Variants in GAB3 observed in about 807,000 individuals in gnomAD.
GAB3 encodes the protein GRB2-associated-binding protein 3.
In GAB3, 12 loss-of-function variants were observed where a neutral mutation model predicts 40.4. The observed-to-expected ratio is 0.30, with a 90% confidence interval of 0.19 to 0.48. The LOEUF is 0.48. Ranked by LOEUF, GAB3 falls within the 20% of genes least tolerant of loss-of-function variation. The pLI, the probability that GAB3 is intolerant of heterozygous loss-of-function variation, is 0.99. For missense variants in GAB3, 381 were observed against 461.9 expected, an observed-to-expected ratio of 0.82 and a Z score of 1.61; for synonymous variants, 154 against 176.7, an observed-to-expected ratio of 0.87 and a Z score of 1.02.
At chrX:154,723,165 C>A (rs1433937015) in intron 1 of GAB3, among the ~76,000 whole-genome samples, 2 of 112,141 alleles carry the variant, frequency 1.8e-5, no homozygotes, top group African/African-American at 6.5e-5. Flanking sequence ...CAGGCGTGAA[C>A]CACCGTGCCC....
chrX:154,734,378 T>C (rs1557260300), intron 1 of GAB3, among the ~76,000 whole-genome samples: 2 of 112,811 alleles, frequency 1.8e-5, no homozygotes, highest in Admixed American at 9.3e-5. Context: ...GAAGGCAAAA[T>C]AGGCTGAATT....
intron 1 of GAB3, among the ~76,000 whole-genome samples, chrX:154,732,221 G>A (rs994023907): frequency 7.2e-5 from 8 of 111,729 alleles, no homozygotes; most frequent in Non-Finnish European, 1.3e-4. Flanking sequence ...GTCTAGGAGA[G>A]GAGAAAAATA....
In GAB3 at chrX:154,709,230, TAGCCATGCTTCCTGTAC is replaced by T. The variant is rs1377101904; in HGVS notation, c.1069+2982_1069+2998del. On this transcript the variant is annotated intron_variant, in intron 4 of 9. Transcript: ENST00000424127. ...GATTGTAAGTTTCCTGAGGCCTCCCTAGCCATGCTTCCTGTACAGCCTGTGGAACTGTGAGTGAGTCA... is the reference window on the plus strand; with the variant it reads ...GATTGTAAGTTTCCTGAGGCCTCCCTAGCCTGTGGAACTGTGAGTGAGTCA... Among the ~76,000 whole-genome samples, 12 of 111,092 alleles carry T rather than the reference TAGCCATGCTTCCTGTAC, an allele frequency of 1.1e-4. No individual in the cohort carries two copies. The East Asian group carries it at 3.4e-3, about 31-fold the overall frequency.
intron 1 of GAB3, among the ~76,000 whole-genome samples, chrX:154,729,893 A>G (rs2071268232): frequency 8.9e-6 from 1 of 111,814 alleles, no homozygotes; most frequent in South Asian, 3.7e-4. Flanking sequence ...CATTGTTTCA[A>G]ATTATTTGAA....
chrX:154,718,677 C>T (rs1360518297), intron 1 of GAB3, among the ~76,000 whole-genome samples: 1 of 110,962 alleles, frequency 9.0e-6, no homozygotes, highest in Non-Finnish European at 1.9e-5. Flanking sequence ...GAACATAAGG[C>T]CTAGTCCAGG....
chrX:154,711,933 G>C (rs1351139403), intron 4 of GAB3, among the ~76,000 whole-genome samples: 1 of 111,962 alleles, frequency 8.9e-6, no homozygotes, highest in East Asian at 2.8e-4. Context: ...TCTCCTGGTG[G>C]TCAGGCTCAA....
At chrX:154,749,715 T>C (rs782228218) in intron 1 of GAB3, among the ~76,000 whole-genome samples, 6 of 112,192 alleles carry the variant, frequency 5.3e-5, no homozygotes, top group Non-Finnish European at 9.4e-5. Context: ...ACAACAAAAA[T>C]CTTTTCAAAG....
At chrX:154,680,555 A>G (rs5987011) in intron 8 of GAB3, among the ~76,000 whole-genome samples, 53,649 of 111,199 alleles carry the variant, frequency 0.48, 10,997 homozygotes, top group East Asian at 0.77. Context: ...ATTAAACCCT[A>G]ACAAGATCAA....
intron 1 of GAB3, among the ~76,000 whole-genome samples, chrX:154,737,943 T>C (rs2071386772): frequency 9.0e-6 from 1 of 111,263 alleles, no homozygotes; most frequent in African/African-American, 3.3e-5. Context: ...TGAGCTGAGA[T>C]TGCACCACTG....
At chrX:154,688,929 T>A (rs2070503444) in intron 8 of GAB3, among the ~76,000 whole-genome samples, 1 of 111,339 alleles carries the variant, frequency 9.0e-6, no homozygotes. Context: ...GCCAGCATCA[T>A]CCTGATACCA....
chrX:154,710,306 T>G (rs1420127069), intron 4 of GAB3, among the ~76,000 whole-genome samples: 2 of 111,856 alleles, frequency 1.8e-5, no homozygotes, highest in African/African-American at 6.5e-5. Flanking sequence ...TATATATGTG[T>G]GTCTAGAACC....
chrX:154,749,661 C>G (rs2071582281), intron 1 of GAB3, among the ~76,000 whole-genome samples: 1 of 112,232 alleles, frequency 8.9e-6, no homozygotes, highest in Non-Finnish European at 1.9e-5. Flanking sequence ...TATTCACGTG[C>G]TAAATAGAAC....
chrX:154,696,440 G>A (rs1256165155), intron 7 of GAB3, among the ~76,000 whole-genome samples: 1 of 110,941 alleles, frequency 9.0e-6, no homozygotes, highest in Non-Finnish European at 1.9e-5. Context: ...TGAGTCAGAA[G>A]CATGAGCTGA....
At chrX:154,745,347 G>GGAA (rs1263284858) in intron 1 of GAB3, among the ~76,000 whole-genome samples, 2 of 107,423 alleles carry the variant, frequency 1.9e-5, no homozygotes, top group Non-Finnish European at 3.9e-5. Flanking sequence ...AAAAAAAAAA[G>GGAA]GAAGATTATA....
At chrX:154,720,937 T>C (rs1281487005) in intron 1 of GAB3, among the ~76,000 whole-genome samples, 3 of 111,730 alleles carry the variant, frequency 2.7e-5, no homozygotes, top group Non-Finnish European at 5.6e-5. Context: ...AGACATTTTG[T>C]GCCTCTGATA....
chrX:154,691,430 A>C, intron 8 of GAB3, among the ~76,000 whole-genome samples: 1 of 111,077 alleles, frequency 9.0e-6, no homozygotes, highest in Non-Finnish European at 1.9e-5. Context: ...ATAATAAATA[A>C]ATAAAAAAGA....
At chrX:154,740,491 A>C (rs1391232648) in intron 1 of GAB3, among the ~76,000 whole-genome samples, 4 of 112,163 alleles carry the variant, frequency 3.6e-5, no homozygotes, top group Admixed American at 1.9e-4. Context: ...CCTTCCCACT[A>C]TGACGAGAAA....
At chrX:154,733,375 T>C (rs2071320267) in intron 1 of GAB3, among the ~76,000 whole-genome samples, 1 of 112,527 alleles carries the variant, frequency 8.9e-6, no homozygotes, top group Non-Finnish European at 1.9e-5. Context: ...TTCTAATCAT[T>C]GATCAGGATT....
At position 154,724,599 on chromosome X, in the gene GAB3, T is replaced by A. The variant is rs1313666591; in HGVS notation, c.73-8270A>T. 3.6e-5 allele frequency among the ~76,000 whole-genome samples: 4 copies of A among 111,522 alleles called. No individual in the cohort carries two copies. The Admixed American group carries it at 3.8e-4, about 11-fold the overall frequency. ...CTCATTACCACCGACCAGTATCATCTCTAACAACAAAACCCTGCAATATCC... is the reference window on the plus strand; with the variant it reads ...CTCATTACCACCGACCAGTATCATCACTAACAACAAAACCCTGCAATATCC... On this transcript the variant is annotated intron_variant, in intron 1 of 9. Transcript: ENST00000424127.
Sources: gnomAD v4.1 joint callset for allele counts (sites outside exome capture counted in the v4.1 genomes callset) on GRCh38, gnomAD v4.1.1 for gene constraint, MANE v1.5 for transcripts, NCBI Gene and HGNC (gene_info 2026-07-23, HGNC 2026-07-21) for gene names.